The following SNTG1 variants were observed in gnomAD, a reference collection of about 807,000 sequenced individuals.
SNTG1 encodes syntrophin gamma 1.
A neutral mutation model predicts 74.7 loss-of-function variants in SNTG1; 39 were observed. The observed-to-expected ratio is 0.52, with a 90% confidence interval of 0.40 to 0.68. SNTG1 has a LOEUF of 0.68. Among genes scored for constraint, SNTG1 ranks in the 30% least tolerant of loss-of-function variants. The pLI is 0.00. For synonymous variants in SNTG1, 254 were observed against 217.1 expected (o/e 1.17, Z -1.49); for missense variants, 685 against 609.5 (o/e 1.12, Z -1.30).
intron 2 of SNTG1, among the ~76,000 whole-genome samples, chr8:50,322,075 CT>C (rs535584029): frequency 6.6e-6 from 1 of 151,176 alleles, no homozygotes; most frequent in African/African-American, 2.4e-5. Context: ...TTATTAACAT[CT>C]TTTTTTTCAG....
At chr8:50,043,449 A>G (rs546238282) in intron 1 of SNTG1, among the ~76,000 whole-genome samples, 3 of 152,238 alleles carry the variant, frequency 2.0e-5, no homozygotes, top group Non-Finnish European at 4.4e-5. Flanking sequence ...GAAACCATTT[A>G]CATGACCTTT....
rs572442507 is a variant in SNTG1 at position 50,646,452 on chromosome 8, T to C, written c.850-10457T>C. Among the ~76,000 whole-genome samples the C allele has an allele frequency of 1.6e-3, 238 of 152,342 alleles. 2 individuals are homozygous for C. Among genetic ancestry groups the C allele is most frequent in the Middle Eastern group, 0.01 (3 of 292 alleles). ...ATGGTAATATTAGATTAGCATGCTGTCCTTCTTCACTTTAGCTGAAAAAAT... is the reference window on the plus strand; with the variant it reads ...ATGGTAATATTAGATTAGCATGCTGCCCTTCTTCACTTTAGCTGAAAAAAT... On this transcript the variant is annotated intron_variant, in intron 13 of 18. Transcript: ENST00000642720.
intron 2 of SNTG1, among the ~76,000 whole-genome samples, chr8:50,255,318 T>C (rs1289160770): frequency 6.6e-6 from 1 of 152,202 alleles, no homozygotes; most frequent in Non-Finnish European, 1.5e-5. Flanking sequence ...TCCTTTCTAA[T>C]TTATAAATTA....
intron 15 of SNTG1, among the ~76,000 whole-genome samples, chr8:50,678,971 G>T (rs1357687871): frequency 6.6e-6 from 1 of 151,964 alleles, no homozygotes; most frequent in East Asian, 1.9e-4. Context: ...TTTTATCATT[G>T]TGTCTTGGAG....
At chr8:50,520,171 A>T (rs2094167618) in intron 9 of SNTG1, among the ~76,000 whole-genome samples, 1 of 152,206 alleles carries the variant, frequency 6.6e-6, no homozygotes, top group South Asian at 2.1e-4. Flanking sequence ...GACAAACCTG[A>T]CAAAAACAAG....
intron 8 of SNTG1, among the ~76,000 whole-genome samples, chr8:50,451,557 C>CA (rs774803621): frequency 1.3e-5 from 2 of 152,072 alleles, no homozygotes; most frequent in Non-Finnish European, 2.9e-5. Flanking sequence ...TAGCAATAGA[C>CA]AGAGTAGTCA....
chr8:50,568,856 C>T (rs1047400318), intron 12 of SNTG1: 1 of 152,096 alleles, frequency 6.6e-6, no homozygotes, highest in African/African-American at 2.4e-5. Flanking sequence ...TATCTATCCA[C>T]ATCATTTATT....
intron 13 of SNTG1, among the ~76,000 whole-genome samples, chr8:50,635,677 CT>C (rs2095034668): frequency 6.6e-6 from 1 of 152,146 alleles, no homozygotes; most frequent in Non-Finnish European, 1.5e-5. Context: ...AGGCCTGGGA[CT>C]CACCCTTCAG....
At chr8:50,061,849 T>C (rs762839336) in intron 1 of SNTG1, among the ~76,000 whole-genome samples, 3 of 152,156 alleles carry the variant, frequency 2.0e-5, no homozygotes, top group Non-Finnish European at 2.9e-5. Flanking sequence ...TTCTTTCAAA[T>C]TTGTTGAGAT....
chr8:50,670,322 C>T (rs1245845990), intron 15 of SNTG1, among the ~76,000 whole-genome samples: 2 of 152,038 alleles, frequency 1.3e-5, no homozygotes, highest in Admixed American at 6.6e-5. Flanking sequence ...TCTCCTGAAG[C>T]TGATAAGCAA....
At chr8:50,688,616 A>C (rs1476119859) in intron 15 of SNTG1, among the ~76,000 whole-genome samples, 1 of 152,078 alleles carries the variant, frequency 6.6e-6, no homozygotes, top group African/African-American at 2.4e-5. Flanking sequence ...ATTGGTCTCT[A>C]TCTCTGTTTT....
At chr8:50,287,896 C>T (rs1287079894) in intron 2 of SNTG1, among the ~76,000 whole-genome samples, 1 of 146,926 alleles carries the variant, frequency 6.8e-6, no homozygotes, top group Non-Finnish European at 1.6e-5. Flanking sequence ...GTCCTTTCCA[C>T]CCCTCTGTGT....
chr8:50,162,207 T>C lies in SNTG1; in HGVS notation c.-102-10354T>C, dbSNP rs1279322839. 2.0e-5 allele frequency among the ~76,000 whole-genome samples: 3 copies of C among 151,860 alleles called. No individual in the cohort carries two copies. The East Asian group carries it at 5.8e-4, about 29-fold the overall frequency. ...TGTGAATAACCTGAGAGCAGGAAAA[T>C]AGTGTCACAAAGCCAATGGGAAGTG... On this transcript the variant is annotated intron_variant, in intron 1 of 18. Transcript: ENST00000642720.
At chr8:50,319,155 C>T (rs1022302705) in intron 2 of SNTG1, among the ~76,000 whole-genome samples, 11 of 152,014 alleles carry the variant, frequency 7.2e-5, no homozygotes, top group South Asian at 4.2e-4. Context: ...ATTTATTTAA[C>T]GATTTTTGGA....
intron 2 of SNTG1, among the ~76,000 whole-genome samples, chr8:50,278,225 G>A (rs2088228467): frequency 6.6e-6 from 1 of 152,024 alleles, no homozygotes; most frequent in African/African-American, 2.4e-5. Flanking sequence ...TTAATTCCAT[G>A]AATTTTTCTT....
intron 1 of SNTG1, among the ~76,000 whole-genome samples, chr8:49,941,077 G>A (rs1469587189): frequency 6.6e-6 from 1 of 152,110 alleles, no homozygotes; most frequent in African/African-American, 2.4e-5. Flanking sequence ...TCTGAGTGGG[G>A]CACCCCCTCT....
At chr8:50,193,123 G>A (rs2083637658) in intron 2 of SNTG1, among the ~76,000 whole-genome samples, 3 of 151,920 alleles carry the variant, frequency 2.0e-5, no homozygotes, top group African/African-American at 2.4e-5. Flanking sequence ...GTCTGCTTTG[G>A]CTGTGTGGGC....
chr8:50,749,471 A>G (rs764849186), intron 17 of SNTG1, among the ~76,000 whole-genome samples: 2 of 152,064 alleles, frequency 1.3e-5, no homozygotes, highest in Non-Finnish European at 2.9e-5. Context: ...ACACTAAACA[A>G]CAGATTTTTA....
chr8:50,126,760 G>A (rs1431108393), intron 1 of SNTG1, among the ~76,000 whole-genome samples: 1 of 152,026 alleles, frequency 6.6e-6, no homozygotes, highest in Non-Finnish European at 1.5e-5. Flanking sequence ...GGTGACAATA[G>A]TATCCAGGTT....
Sources: gnomAD v4.1 joint callset for allele counts (sites outside exome capture counted in the v4.1 genomes callset) on GRCh38, gnomAD v4.1.1 for gene constraint, MANE v1.5 for transcripts, NCBI Gene and HGNC (gene_info 2026-07-23, HGNC 2026-07-21) for gene names.